STK39: variants seen among roughly 807,000 people sequenced by gnomAD.
The protein encoded by STK39 is serine/threonine kinase 39, also known as STE20/SPS1-related proline-alanine-rich protein kinase.
STK39 carries 20 observed loss-of-function variants against 77.8 expected under a neutral mutation model. The ratio of observed to expected loss-of-function variants is 0.26; its 90% CI spans 0.18 to 0.37. The LOEUF (loss-of-function observed/expected upper bound fraction) is 0.37. STK39 is among the 10% of genes least tolerant of loss of function. STK39 has a pLI of 1.00. For synonymous variants in STK39, 246 were observed against 234.1 expected (o/e 1.05, Z -0.47); for missense variants, 479 against 656.5 (o/e 0.73, Z 2.95).
At chr2:168,161,299 C>T (rs1688566914) in intron 5 of STK39, among the ~76,000 whole-genome samples, 1 of 152,212 alleles carries the variant, frequency 6.6e-6, no homozygotes, top group African/African-American at 2.4e-5. Flanking sequence ...ACATTCATTG[C>T]ATCCCCAGCC....
chr2:168,158,014 C>T (rs1218541084), intron 5 of STK39, among the ~76,000 whole-genome samples: 8 of 152,070 alleles, frequency 5.3e-5, no homozygotes, highest in African/African-American at 1.9e-4. Flanking sequence ...AAAATAGTGT[C>T]TCTCATTAAT....
chr2:168,196,089 T>G (rs1395580409), intron 1 of STK39, among the ~76,000 whole-genome samples: 1 of 152,206 alleles, frequency 6.6e-6, no homozygotes, highest in African/African-American at 2.4e-5. Flanking sequence ...ACACATATGA[T>G]CTACTGATTA....
chr2:168,121,298 C>T (rs1361410857), intron 10 of STK39, among the ~76,000 whole-genome samples: 3 of 152,206 alleles, frequency 2.0e-5, no homozygotes, highest in Non-Finnish European at 1.5e-5. Flanking sequence ...CTCTACCTGT[C>T]TTCAAGAACA....
At chr2:168,114,106 G>A (rs1687195526) in intron 10 of STK39, among the ~76,000 whole-genome samples, 4 of 152,208 alleles carry the variant, frequency 2.6e-5, no homozygotes, top group Admixed American at 2.6e-4. Flanking sequence ...AAATGGTAGA[G>A]TTCCAAGTAA....
At chr2:167,988,217 T>C (rs896621736) in intron 16 of STK39, among the ~76,000 whole-genome samples, 1 of 152,146 alleles carries the variant, frequency 6.6e-6, no homozygotes, top group Non-Finnish European at 1.5e-5. Flanking sequence ...TGGTGCCCCT[T>C]ATGCATGGAG....
chr2:168,124,707 G>A (rs1350209194), intron 10 of STK39, among the ~76,000 whole-genome samples: 1 of 152,050 alleles, frequency 6.6e-6, no homozygotes, highest in African/African-American at 2.4e-5. Context: ...CCCATATGTT[G>A]GTTTTAGAAA....
chr2:168,140,538 G>A (rs1387223517), intron 6 of STK39, 111 bp downstream of exon 6: 2 of 1,148,380 alleles, frequency 1.7e-6, no homozygotes, highest in Non-Finnish European at 2.6e-6. Flanking sequence ...TTAAATCTTA[G>A]TTACATTATG....
At chr2:167,979,721 T>C (rs1299011435) in intron 16 of STK39, among the ~76,000 whole-genome samples, 1 of 152,252 alleles carries the variant, frequency 6.6e-6, no homozygotes, top group Admixed American at 6.5e-5. Context: ...TTGGAAAGTG[T>C]GCTAGAGCTT....
intron 14 of STK39, among the ~76,000 whole-genome samples, chr2:168,041,649 G>A (rs1685111072): frequency 6.6e-6 from 1 of 152,136 alleles, no homozygotes; most frequent in African/African-American, 2.4e-5. Context: ...TACAGCAAAT[G>A]GGTACTTTAG....
chr2:168,079,957 G>A (rs944489109), intron 10 of STK39, among the ~76,000 whole-genome samples: 76 of 152,292 alleles, frequency 5.0e-4, no homozygotes, highest in African/African-American at 1.2e-3. Context: ...CAGCTGGGAG[G>A]TGACAATACT....
At chr2:168,173,201 C>G (rs1043593949) in intron 2 of STK39, among the ~76,000 whole-genome samples, 2 of 152,162 alleles carry the variant, frequency 1.3e-5, no homozygotes, top group Admixed American at 6.5e-5. Context: ...CATCTACTTC[C>G]AAATGCAAGA....
intron 10 of STK39, among the ~76,000 whole-genome samples, chr2:168,085,360 TC>T: frequency 6.6e-6 from 1 of 152,158 alleles, no homozygotes; most frequent in Non-Finnish European, 1.5e-5. Context: ...ACTCCAGAAC[TC>T]CCATGGACCT....
At chr2:168,117,344 C>A (rs949194519) in intron 10 of STK39, among the ~76,000 whole-genome samples, 1 of 152,178 alleles carries the variant, frequency 6.6e-6, no homozygotes, top group Non-Finnish European at 1.5e-5. Context: ...CCCATGAAGA[C>A]GATCCTCATC....
At chr2:168,098,378 A>C (rs1489682120) in intron 10 of STK39, among the ~76,000 whole-genome samples, 1 of 152,154 alleles carries the variant, frequency 6.6e-6, no homozygotes. Context: ...TTTTATACCT[A>C]TTGCACTTTA....
intron 1 of STK39, among the ~76,000 whole-genome samples, chr2:168,198,170 G>A (rs1377463397): frequency 6.6e-6 from 1 of 151,580 alleles, no homozygotes; most frequent in African/African-American, 2.4e-5. Context: ...ACACACACAC[G>A]CACATGAATG....
chr2:168,203,662 G>A (rs568542333), intron 1 of STK39, among the ~76,000 whole-genome samples: 4 of 152,246 alleles, frequency 2.6e-5, no homozygotes, highest in South Asian at 2.1e-4. Context: ...GTACAATCTC[G>A]GCTCTCTGCA....
At chr2:168,068,454 A>T (rs1685852608) in intron 12 of STK39, among the ~76,000 whole-genome samples, 1 of 152,188 alleles carries the variant, frequency 6.6e-6, no homozygotes, top group Non-Finnish European at 1.5e-5. Flanking sequence ...GGACACTAGT[A>T]GGCAAACTAG....
At chr2:168,046,897 A>G (rs1453072519) in intron 14 of STK39, among the ~76,000 whole-genome samples, 1 of 152,246 alleles carries the variant, frequency 6.6e-6, no homozygotes, top group Admixed American at 6.5e-5. Context: ...CCATTAAAAG[A>G]TGGGAAGGGA....
At chr2:168,049,689 A>G (rs748682230) in intron 14 of STK39, among the ~76,000 whole-genome samples, 46 of 152,332 alleles carry the variant, frequency 3.0e-4, no homozygotes, top group Non-Finnish European at 5.4e-4. Flanking sequence ...TGCCTTGCAT[A>G]TGAGTAGCAA....
Sources: allele counts gnomAD v4.1 joint callset (sites outside exome capture counted in the v4.1 genomes callset), GRCh38; gene constraint gnomAD v4.1.1; transcripts MANE v1.5; gene names NCBI Gene and HGNC (gene_info 2026-07-23, HGNC 2026-07-21).